PTCD3: variants seen among roughly 807,000 people sequenced by gnomAD.
PTCD3 encodes the protein pentatricopeptide repeat domain 3.
A neutral mutation model predicts 101.9 loss-of-function variants in PTCD3; 89 were observed. The observed-to-expected ratio is 0.87, with a 90% CI of 0.74 to 1.04. The LOEUF (loss-of-function observed/expected upper bound fraction) is 1.04, where lower values mean the gene tolerates loss of function less well. PTCD3 is among the 50% of genes least tolerant of loss of function. The probability of loss-of-function intolerance (pLI) is 0.00; values close to 1 mark genes in which losing one functional copy is unlikely to be tolerated. For missense variants in PTCD3, 870 were observed against 828.2 expected, an observed-to-expected ratio of 1.05 and a Z score of -0.62; for synonymous variants, 296 against 278.5, an observed-to-expected ratio of 1.06 and a Z score of -0.63.
At chr2:86,108,099 C>A (rs966999119) in intron 1 of PTCD3, among the ~76,000 whole-genome samples, 5 of 148,574 alleles carry the variant, frequency 3.4e-5, no homozygotes, top group African/African-American at 1.2e-4. Flanking sequence ...TCACTAAAGG[C>A]TAGGCAATGG....
In PTCD3 at chr2:86,119,360, C is replaced by CT. The variant is rs70953987; in HGVS notation, c.538+330dup. ...CTCCCAGATTTCCTGTACCCTTTTC[C>CT]TTTTTTTTTTTTTTGAGATGGAGTC... is the stretch of plus-strand genomic sequence containing the variant. On this transcript the variant is annotated intron_variant, in intron 7 of 23. Transcript: ENST00000254630. Among the ~76,000 whole-genome samples, 328 of 141,302 alleles carry CT rather than the reference C, an allele frequency of 2.3e-3. 2 individuals are homozygous for CT. The highest frequency in any genetic ancestry group is 0.01 in the East Asian group (50 of 4,860). The allele number at this position is 141,302 out of a possible 152,430, so 92.7% of individuals were successfully genotyped here.
intron 6 of PTCD3, 34 bp from the exon 7 acceptor site, chr2:86,118,887 G>C: frequency 6.2e-7 from 1 of 1,601,214 alleles, no homozygotes; most frequent in Non-Finnish European, 8.5e-7. Flanking sequence ...ACCTTTACCT[G>C]TTTGTAGTAA....
chr2:86,125,141 C>T, intron 10 of PTCD3, 59 bp downstream of exon 10: 1 of 1,592,650 alleles, frequency 6.3e-7, no homozygotes, highest in Non-Finnish European at 8.5e-7. Context: ...GTTTCAGCCT[C>T]AGAACTACTA....
intron 17 of PTCD3, chr2:86,132,745 T>G (rs1674515927): frequency 3.3e-6 from 1 of 299,746 alleles, no homozygotes; most frequent in Non-Finnish European, 6.2e-6. Flanking sequence ...TTCACCTCCC[T>G]TGCTTTTGTA....
At chr2:86,114,796 AAG>A (rs1388285239) in intron 4 of PTCD3, among the ~76,000 whole-genome samples, 1 of 152,242 alleles carries the variant, frequency 6.6e-6, no homozygotes, top group Non-Finnish European at 1.5e-5. Context: ...TGACAGCAAG[AAG>A]ATACAAAGCA....
rs766971001 is a variant in PTCD3, at chr2:86,136,532, G to A, written c.1790G>A (p.Gly597Glu). ...CCTTTCTTGAGCAGGAAAATGTTGG[G>A]GCTTTTCAGGAAGCATAATAAGATT... ...GRTQEAWKMLGLFRKHNKIPR... is the reference protein window; with the variant it reads ...GRTQEAWKMLELFRKHNKIPR... Residue 597 changes from glycine (G) to glutamate (E), a missense_variant, in exon 22 of 24, where the codon GGG (glycine) becomes GAG (glutamate). Gly to Glu is a moderately conservative substitution (Grantham distance 98). Transcript: ENST00000254630. 3.1e-6 allele frequency: 5 copies of A among 1,612,140 alleles called. No homozygotes were observed. The East Asian group carries it at 1.1e-4, about 36-fold the overall frequency.
intron 3 of PTCD3, among the ~76,000 whole-genome samples, chr2:86,110,665 A>G (rs752070739): frequency 3.9e-5 from 6 of 152,212 alleles, no homozygotes; most frequent in Non-Finnish European, 8.8e-5. Context: ...AGTGTGTGTG[A>G]CAGTCCTCCA....
At position 86,139,399 on chromosome 2, in the gene PTCD3, T is replaced by A. The variant is rs4832024; in HGVS notation, c.*1840T>A. 115,417 of 152,078 alleles carry A rather than the reference T, an allele frequency of 0.76. 45,431 individuals carry two copies. Among genetic ancestry groups the A allele is most frequent in the South Asian group, 0.87 (4,194 of 4,822 alleles). 9.4% of individuals were successfully genotyped at this position (152,078 alleles called of 1,614,324 possible). On this transcript the variant is annotated 3_prime_UTR_variant, in exon 24 of 24. Transcript: ENST00000254630. ...TGTCCCAGCTAATTGGGAGGGTGAGTTGGGAGGATTGTTTGAGCCTAGGAG... is the reference window on the plus strand; with the variant it reads ...TGTCCCAGCTAATTGGGAGGGTGAGATGGGAGGATTGTTTGAGCCTAGGAG...
At chr2:86,137,411 G>T in intron 23 of PTCD3, 58 bp from the exon 24 acceptor site, 1 of 1,606,106 alleles carries the variant, frequency 6.2e-7, no homozygotes. Context: ...CAGAGACACC[G>T]AGAACCCCAG....
At chr2:86,111,504 C>T (rs574973090) in intron 4 of PTCD3, among the ~76,000 whole-genome samples, 5 of 151,778 alleles carry the variant, frequency 3.3e-5, no homozygotes, top group African/African-American at 9.7e-5. Context: ...AGGAGAATGG[C>T]GTGAACCCAG....
Position 86,118,366 on chromosome 2 carries a change from G to A in PTCD3, c.415-555G>A, listed in dbSNP as rs568374542. On this transcript the variant is annotated intron_variant, in intron 6 of 23. Transcript: ENST00000254630. ...TGCCCTCCTGAGTTTGTTGGTGGAA[G>A]TACTAATCTCAGACTCATCATATCT... Among the ~76,000 whole-genome samples, 5 of 152,312 alleles carry A rather than the reference G, an allele frequency of 3.3e-5. No individual in the cohort carries two copies. In the South Asian group the frequency reaches 1.0e-3, roughly 32 times the overall value.
chr2:86,108,393 G>C lies in PTCD3; in HGVS notation c.148G>C (p.Asp50His), dbSNP rs761969391. Residue 50 changes from aspartate to histidine, a missense_variant, in exon 2 of 24, where the codon GAT becomes CAT. Coordinates refer to ENST00000254630, the MANE Select transcript of PTCD3 (RefSeq NM_017952.6). ...SATLSKVEGT[D>H]VTGIEEVVIP... ...AACCCTCTCAAAGGTTGAAGGAACT[G>C]ATGTAACAGGTATATTTTAAAATAT... The C allele has an allele frequency of 1.9e-6, 3 of 1,607,010 alleles. No homozygotes were observed. The South Asian group carries it at 3.3e-5, about 18-fold the overall frequency.
At chr2:86,133,028 T>G in intron 17 of PTCD3, 150 bp from the exon 18 acceptor site, 1 of 1,312,826 alleles carries the variant, frequency 7.6e-7, no homozygotes, top group Non-Finnish European at 1.0e-6. Context: ...CACTGGCAGC[T>G]CTTAAACCAA....
intron 7 of PTCD3, chr2:86,119,479 C>T (rs1395127866): frequency 5.9e-6 from 1 of 170,184 alleles, no homozygotes; most frequent in Non-Finnish European, 1.2e-5. Flanking sequence ...TCCTCAGCCT[C>T]CTGAGTAGCT....
intron 11 of PTCD3, 65 bp downstream of exon 11, chr2:86,125,580 C>G: frequency 1.3e-6 from 2 of 1,485,184 alleles, no homozygotes; most frequent in Non-Finnish European, 1.9e-6. Flanking sequence ...TGTGTGAAGG[C>G]TTTGGATCGT....
intron 4 of PTCD3, among the ~76,000 whole-genome samples, chr2:86,112,492 T>C (rs1056330529): frequency 6.6e-6 from 1 of 151,472 alleles, no homozygotes; most frequent in Non-Finnish European, 1.5e-5. Flanking sequence ...ACCAGCATGG[T>C]GAACATGGTG....
intron 2 of PTCD3, 34 bp from the exon 3 acceptor site, chr2:86,108,466 A>G: frequency 6.3e-7 from 1 of 1,589,274 alleles, no homozygotes; most frequent in Non-Finnish European, 8.5e-7. Context: ...TTGTAGTACT[A>G]GGAAACTGAT....
intron 4 of PTCD3, among the ~76,000 whole-genome samples, chr2:86,112,506 C>A (rs1353757758): frequency 1.3e-5 from 2 of 151,444 alleles, no homozygotes. Flanking sequence ...CATGGTGAAA[C>A]CCTGTCTCTA....
intron 17 of PTCD3, 47 bp downstream of exon 17, chr2:86,132,471 G>T (rs1199729210): frequency 1.5e-6 from 2 of 1,360,664 alleles, no homozygotes; most frequent in Non-Finnish European, 2.1e-6. Context: ...ACCAGATTCT[G>T]CAAGTGGGAG....
Sources: allele counts gnomAD v4.1 joint callset (sites outside exome capture counted in the v4.1 genomes callset), GRCh38; gene constraint gnomAD v4.1.1; transcripts MANE v1.5; gene names NCBI Gene and HGNC (gene_info 2026-07-23, HGNC 2026-07-21).